Variants in A1CF observed in about 807,000 individuals in gnomAD.
A1CF encodes APOBEC1 complementation factor.
In A1CF, 48 loss-of-function variants were observed where a neutral mutation model predicts 68.9. The ratio of observed to expected loss-of-function variants is 0.70; its 90% CI spans 0.55 to 0.89. The LOEUF (loss-of-function observed/expected upper bound fraction) is 0.89, where lower values mean the gene tolerates loss of function less well. Among genes scored for constraint, A1CF ranks in the 40% least tolerant of loss-of-function variants. The pLI is 0.00. For synonymous variants in A1CF, 272 were observed against 260.4 expected, an observed-to-expected ratio of 1.04 and a Z score of -0.43; for missense variants, 653 against 718.9, an observed-to-expected ratio of 0.91 and a Z score of 1.05.
At chr10:50,864,212 G>T (rs1188721134) in intron 1 of A1CF, 132 bp from the exon 2 acceptor site, 1 of 152,200 alleles carries the variant, frequency 6.6e-6, no homozygotes, top group Non-Finnish European at 1.5e-5. Context: ...TTCCTCATTT[G>T]TGAATTGGGG....
At chr10:50,842,264 T>C (rs1177928332) in intron 4 of A1CF, among the ~76,000 whole-genome samples, 1 of 152,250 alleles carries the variant, frequency 6.6e-6, no homozygotes, top group Non-Finnish European at 1.5e-5. Flanking sequence ...GTGTTTTTGG[T>C]AGGGCAAATG....
chr10:50,868,015 G>A (rs1841075791), intron 1 of A1CF, among the ~76,000 whole-genome samples: 1 of 152,184 alleles, frequency 6.6e-6, no homozygotes, highest in Non-Finnish European at 1.5e-5. Flanking sequence ...AGCCACTGGG[G>A]CCCGTACAGT....
Position 50,803,038 on chromosome 10 carries a change from T to C in A1CF, c.*3691A>G, listed in dbSNP as rs1837668192. ...TTATAGTTTAATTTCTATTCCATCATGAAAAAGTTAAGAAACTGTGGTTTG... is the reference window on the plus strand; with the variant it reads ...TTATAGTTTAATTTCTATTCCATCACGAAAAAGTTAAGAAACTGTGGTTTG... On this transcript the variant is annotated 3_prime_UTR_variant, in exon 13 of 13. Coordinates refer to ENST00000373997, the MANE Select transcript of A1CF (RefSeq NM_014576.4). The C allele has an allele frequency of 6.6e-6, 1 of 152,202 alleles. No homozygotes were observed. The highest frequency in any genetic ancestry group is 2.4e-5 in the African/African-American group (1 of 41,456). The allele number at this position is 152,202 out of a possible 1,614,324, so 9.4% of individuals were successfully genotyped here. A position where few individuals can be genotyped will look rare whatever the true frequency, so the allele number is the denominator to read the frequency against.
chr10:50,864,672 G>A (rs1057392678), intron 1 of A1CF, among the ~76,000 whole-genome samples: 1 of 152,024 alleles, frequency 6.6e-6, no homozygotes, highest in Admixed American at 6.6e-5. Context: ...AGGCTGGAGT[G>A]CAATGGCATG....
chr10:50,879,082 G>T (rs554985597), intron 1 of A1CF, among the ~76,000 whole-genome samples: 1 of 152,128 alleles, frequency 6.6e-6, no homozygotes, highest in Non-Finnish European at 1.5e-5. Flanking sequence ...CTCACACCCC[G>T]CATCCCAACT....
At chr10:50,840,576 T>A (rs1251587125) in intron 5 of A1CF, among the ~76,000 whole-genome samples, 1 of 152,216 alleles carries the variant, frequency 6.6e-6, no homozygotes, top group African/African-American at 2.4e-5. Context: ...TCAGACAATT[T>A]CATGATGTCA....
chr10:50,881,416 A>G (rs967517268), intron 1 of A1CF, among the ~76,000 whole-genome samples: 3 of 152,196 alleles, frequency 2.0e-5, no homozygotes, highest in African/African-American at 7.2e-5. Context: ...TCAGATTTGT[A>G]CAATTGGAAT....
intron 7 of A1CF, among the ~76,000 whole-genome samples, chr10:50,825,764 C>T (rs1399519473): frequency 6.6e-6 from 1 of 152,056 alleles, no homozygotes; most frequent in African/African-American, 2.4e-5. Flanking sequence ...TTCCACCTTC[C>T]CTCTATTCCT....
At chr10:50,836,371 T>C in intron 5 of A1CF, 59 bp from the exon 6 acceptor site, 1 of 1,542,382 alleles carries the variant, frequency 6.5e-7, no homozygotes. Flanking sequence ...AGGTTGAAAA[T>C]GTATGGCTGT....
intron 1 of A1CF, among the ~76,000 whole-genome samples, chr10:50,876,904 C>T (rs7908964): frequency 0.016 from 2,437 of 152,234 alleles, 51 homozygotes; most frequent in African/African-American, 0.055. Context: ...TATACATATA[C>T]TATGTTTTCT....
At chr10:50,846,789 T>C (rs985205456) in intron 3 of A1CF, among the ~76,000 whole-genome samples, 2 of 152,224 alleles carry the variant, frequency 1.3e-5, no homozygotes, top group African/African-American at 2.4e-5. Context: ...TTAATTGTCT[T>C]TCTTTGTTTT....
At chr10:50,868,611 A>G (rs1199045716) in intron 1 of A1CF, among the ~76,000 whole-genome samples, 2 of 152,208 alleles carry the variant, frequency 1.3e-5, no homozygotes, top group East Asian at 3.9e-4. Flanking sequence ...ATCATATATT[A>G]ATTTGGAACT....
intron 12 of A1CF, among the ~76,000 whole-genome samples, chr10:50,808,600 G>C (rs977326786): frequency 6.6e-6 from 1 of 152,122 alleles, no homozygotes; most frequent in Non-Finnish European, 1.5e-5. Flanking sequence ...ACACTGCCCA[G>C]GAAGGACCTT....
At position 50,816,023 on chromosome 10, in the gene A1CF, C is replaced by T. The variant is rs753911495; in HGVS notation, c.1124G>A (p.Arg375Gln). Residue 375 changes from arginine to glutamine, a missense_variant, in exon 9 of 13, where the codon CGA (arginine) becomes CAA (glutamine). Arg to Gln is a conservative substitution (Grantham distance 43). Coordinates refer to ENST00000373997, the MANE Select transcript of A1CF (RefSeq NM_014576.4). ...KGHLSNRAIIRAPSVRGAAGV... is the reference protein window; with the variant it reads ...KGHLSNRAIIQAPSVRGAAGV... ...GGTGTTACCTCTAACAGAAGGGGCTCGGATAATGGCTCTGTTGCTGAGATG... is the reference window on the plus strand; with the variant it reads ...GGTGTTACCTCTAACAGAAGGGGCTTGGATAATGGCTCTGTTGCTGAGATG... The T allele has an allele frequency of 5.8e-5, 93 of 1,613,452 alleles. No individual in the cohort carries two copies. The Admixed American group carries it at 1.4e-3, about 24-fold the overall frequency.
intron 11 of A1CF, 64 bp downstream of exon 11, chr10:50,810,976 A>C: frequency 1.3e-6 from 2 of 1,501,258 alleles, no homozygotes; most frequent in Non-Finnish European, 1.8e-6. Context: ...ATGGTGACTA[A>C]ATGCATTTAA....
At chr10:50,878,204 T>C (rs1564537819) in intron 1 of A1CF, among the ~76,000 whole-genome samples, 1 of 152,192 alleles carries the variant, frequency 6.6e-6, no homozygotes, top group African/African-American at 2.4e-5. Flanking sequence ...AAGCCAGTGA[T>C]GGGGATAGAA....
Position 50,802,236 on chromosome 10 carries a change from T to C in A1CF, c.*4493A>G, listed in dbSNP as rs1472775040. 6.6e-6 allele frequency: 1 copy of C among 152,192 alleles called. No homozygotes were observed. The highest frequency in any genetic ancestry group is 2.4e-5 in the African/African-American group (1 of 41,454). 9.4% of individuals were successfully genotyped at this position (152,192 alleles called of 1,614,324 possible). Reference sequence around the variant, plus strand: ...AGATACATTACACTTTCTATGAATATGTTCTAGTAAAATTCAGAGCATTTT... The same window carrying C: ...AGATACATTACACTTTCTATGAATACGTTCTAGTAAAATTCAGAGCATTTT... On this transcript the variant is annotated 3_prime_UTR_variant, in exon 13 of 13. Coordinates refer to ENST00000373997, the MANE Select transcript of A1CF (RefSeq NM_014576.4).
At chr10:50,840,109 C>G (rs1839704802) in intron 5 of A1CF, among the ~76,000 whole-genome samples, 2 of 152,068 alleles carry the variant, frequency 1.3e-5, no homozygotes, top group Admixed American at 6.6e-5. Flanking sequence ...TGTATGACTT[C>G]TTTTGGTCCT....
chr10:50,875,970 A>G (rs1420015471), intron 1 of A1CF, among the ~76,000 whole-genome samples: 2 of 152,206 alleles, frequency 1.3e-5, no homozygotes, highest in Non-Finnish European at 2.9e-5. Flanking sequence ...TTTTCTTTCA[A>G]TACAAGTCTG....
Sources: gnomAD v4.1 joint callset for allele counts (sites outside exome capture counted in the v4.1 genomes callset) on GRCh38, gnomAD v4.1.1 for gene constraint, MANE v1.5 for transcripts, NCBI Gene and HGNC (gene_info 2026-07-23, HGNC 2026-07-21) for gene names.